ZPBP: variants seen among roughly 807,000 people sequenced by gnomAD.
The protein encoded by ZPBP is zona pellucida binding protein.
A neutral mutation model predicts 44.8 loss-of-function variants in ZPBP; 26 were observed. The ratio of observed to expected loss-of-function variants is 0.58; its 90% confidence interval spans 0.43 to 0.81. ZPBP has a LOEUF of 0.81. Ranked by LOEUF, ZPBP falls within the 30% of genes least tolerant of loss-of-function variation. The pLI, the probability that ZPBP is intolerant of heterozygous loss-of-function variation, is 0.00. For missense variants in ZPBP, 409 were observed against 434.0 expected (o/e 0.94, Z 0.51); for synonymous variants, 174 against 153.2 (o/e 1.14, Z -1.00).
intron 5 of ZPBP, among the ~76,000 whole-genome samples, chr7:50,025,006 T>A (rs987812793): frequency 6.6e-6 from 1 of 151,914 alleles, no homozygotes; most frequent in African/African-American, 2.4e-5. Context: ...ATTGCTTTCC[T>A]ATGTACTTGT....
chr7:49,924,024 G>A (rs529087048), intron 1 of ZPBP, among the ~76,000 whole-genome samples: 216 of 152,216 alleles, frequency 1.4e-3, no homozygotes, highest in Non-Finnish European at 2.2e-3. Flanking sequence ...TTGGGAGGCT[G>A]GGGCAGAAGA....
intron 7 of ZPBP, among the ~76,000 whole-genome samples, chr7:49,968,385 A>G (rs1733586433): frequency 1.3e-5 from 2 of 152,120 alleles, no homozygotes; most frequent in South Asian, 4.1e-4. Flanking sequence ...AAGCACTGAC[A>G]TGTATTTTGT....
chr7:49,939,361 A>C (rs1794761045), intron 7 of ZPBP, among the ~76,000 whole-genome samples: 1 of 152,214 alleles, frequency 6.6e-6, no homozygotes, highest in African/African-American at 2.4e-5. Context: ...TATTCTTAGA[A>C]TTAATAAACC....
chr7:49,919,135 A>C (rs529761074), intron 1 of ZPBP: 1 of 151,744 alleles, frequency 6.6e-6, no homozygotes, highest in African/African-American at 2.4e-5. Context: ...CACAGTCAGG[A>C]CTGGAATGGA....
chr7:49,977,412 TC>T (rs1259570426), intron 7 of ZPBP, among the ~76,000 whole-genome samples: 1 of 152,188 alleles, frequency 6.6e-6, no homozygotes, highest in Non-Finnish European at 1.5e-5. Context: ...GGGATGCAAG[TC>T]TTTAGGATAA....
chr7:49,850,136 A>G (rs1790118249), downstream of ZPBP, among the ~76,000 whole-genome samples: 2 of 152,204 alleles, frequency 1.3e-5, no homozygotes, highest in African/African-American at 2.4e-5. Flanking sequence ...AGGAAAACAG[A>G]GCACAGTGCT....
intron 6 of ZPBP, among the ~76,000 whole-genome samples, chr7:49,994,614 G>A (rs1440632611): frequency 1.3e-5 from 2 of 152,182 alleles, no homozygotes; most frequent in Non-Finnish European, 2.9e-5. Flanking sequence ...CTAAGGCCCT[G>A]TAGAAGCAGC....
intron 2 of ZPBP, among the ~76,000 whole-genome samples, chr7:49,866,560 G>A (rs574671121): frequency 7.9e-4 from 121 of 152,284 alleles, no homozygotes; most frequent in African/African-American, 2.7e-3. Context: ...TCGAGTTCGG[G>A]CTTGCCCATG....
intron 7 of ZPBP, among the ~76,000 whole-genome samples, chr7:49,939,497 T>G (rs1417072099): frequency 2.6e-5 from 4 of 152,198 alleles, no homozygotes; most frequent in South Asian, 4.2e-4. Flanking sequence ...TTATTTAAAT[T>G]TAAAGTACAA....
At chr7:50,033,677 A>AGTTTGTTTGTTT (rs1170592952) in intron 4 of ZPBP, among the ~76,000 whole-genome samples, 76 of 46,270 alleles carry the variant, frequency 1.6e-3, no homozygotes, top group Middle Eastern at 0.01. Flanking sequence ...TTCTTTCTAC[A>AGTTTGTTTGTTT]GTTTATTTAT....
chr7:49,856,116 C>A (rs1445126356), intron 2 of ZPBP, among the ~76,000 whole-genome samples: 1 of 152,180 alleles, frequency 6.6e-6, no homozygotes, highest in Admixed American at 6.5e-5. Context: ...TGCATAAGAC[C>A]ATACACGTAA....
chr7:50,022,714 T>G (rs896843587), intron 5 of ZPBP, among the ~76,000 whole-genome samples: 2 of 151,906 alleles, frequency 1.3e-5, no homozygotes. Context: ...CTTAGACCCA[T>G]CAGAAAATTG....
chr7:50,074,182 G>A (rs1801975004), intron 3 of ZPBP, among the ~76,000 whole-genome samples: 1 of 151,998 alleles, frequency 6.6e-6, no homozygotes, highest in African/African-American at 2.4e-5. Flanking sequence ...CTTTTTGTTT[G>A]TTTATGCAAA....
At chr7:49,968,747 T>C (rs1796163766) in intron 7 of ZPBP, among the ~76,000 whole-genome samples, 1 of 152,034 alleles carries the variant, frequency 6.6e-6, no homozygotes, top group Non-Finnish European at 1.5e-5. Flanking sequence ...ACACTCATAA[T>C]ATCACAGCTA....
chr7:49,859,409 A>C (rs771023848), intron 2 of ZPBP, among the ~76,000 whole-genome samples: 1 of 152,080 alleles, frequency 6.6e-6, no homozygotes, highest in Non-Finnish European at 1.5e-5. Flanking sequence ...AAATTCTTTA[A>C]ATTTTGCTTA....
chr7:49,998,285 G>C (rs1308121499), intron 6 of ZPBP, among the ~76,000 whole-genome samples: 1 of 152,174 alleles, frequency 6.6e-6, no homozygotes, highest in African/African-American at 2.4e-5. Context: ...AATTTGGCCA[G>C]TCACAGGATG....
chr7:49,910,705 G>T lies in ZPBP; in HGVS notation n.412-9490C>A, dbSNP rs182305692. On this transcript the variant is annotated intron_variant and non_coding_transcript_variant, in intron 1 of 2. Coordinates refer to the ZPBP transcript ENST00000465922. ...AAGTGCAGATGTGACACATTTGTTG[G>T]CTGATATATTATAGCTGATATAGAA... Among the ~76,000 whole-genome samples the T allele has an allele frequency of 9.7e-4, 148 of 152,264 alleles. 1 individual carries two copies. The East Asian group carries it at 0.023, about 24-fold the overall frequency.
chr7:50,044,265 A>G (rs1398276684), intron 4 of ZPBP, among the ~76,000 whole-genome samples: 1 of 152,218 alleles, frequency 6.6e-6, no homozygotes, highest in African/African-American at 2.4e-5. Context: ...CTAGAGAAGC[A>G]AGAGCAAACA....
At chr7:49,921,558 GGA>G (rs1478807277) in intron 1 of ZPBP, 2 of 152,050 alleles carry the variant, frequency 1.3e-5, no homozygotes, top group Admixed American at 6.6e-5. Context: ...AGTAACATGG[GGA>G]GAGTGGTATC....
Sources: gnomAD v4.1 joint callset for allele counts (sites outside exome capture counted in the v4.1 genomes callset) on GRCh38, gnomAD v4.1.1 for gene constraint, MANE v1.5 for transcripts, NCBI Gene and HGNC (gene_info 2026-07-23, HGNC 2026-07-21) for gene names.